ZNF619: variants seen among roughly 807,000 people sequenced by gnomAD.
ZNF619 encodes zinc finger protein 619.
Under a neutral mutation model 14.2 loss-of-function variants are expected in ZNF619, and 9 were observed. The ratio of observed to expected loss-of-function variants is 0.64; its 90% CI spans 0.38 to 1.11. ZNF619 has a LOEUF of 1.11. Ranked by LOEUF, ZNF619 falls within the 50% of genes least tolerant of loss-of-function variation. ZNF619 has a pLI of 0.01. For missense variants in ZNF619, 659 were observed against 680.1 expected, an observed-to-expected ratio of 0.97 and a Z score of 0.34; for synonymous variants, 246 against 252.8, an observed-to-expected ratio of 0.97 and a Z score of 0.26.
chr3:40,485,898 C>T (rs1697564275), intron 4 of ZNF619, among the ~76,000 whole-genome samples: 1 of 152,136 alleles, frequency 6.6e-6, no homozygotes, highest in Non-Finnish European at 1.5e-5. Flanking sequence ...TTTCAAAGGT[C>T]AGTCTCCCAA....
rs572526320 is a variant in ZNF619, at chr3:40,488,060, G to A, written c.1550G>A (p.Gly517Glu). ...ACCTGCTCTGCCCTAGCCCCACCAG[G>A]GCCTCCCTTATCTTCTTCACATGCA... ...QHTCSALAPP[G>E]PPLSSSHAVV... The change falls in exon 5 of 5, where the codon GGG (glycine) becomes GAG (glutamate). Residue 517 changes from glycine to glutamate, a missense_variant. Physicochemically the swap from Gly to Glu is moderately conservative, Grantham distance 98. Coordinates refer to ENST00000432264, the MANE Select transcript of ZNF619 (RefSeq NM_001145093.4). 6.2e-7 allele frequency: 1 copy of A among 1,614,062 alleles called. No homozygotes were observed. The highest frequency in any genetic ancestry group is 1.1e-5 in the South Asian group (1 of 91,062).
chr3:40,477,520 G>A (rs1452567168), intron 1 of ZNF619, among the ~76,000 whole-genome samples, 163 bp downstream of exon 1: 1 of 152,206 alleles, frequency 6.6e-6, no homozygotes, highest in Non-Finnish European at 1.5e-5. Context: ...TTGTCCTGCA[G>A]CCTGTGGTTT....
Position 40,477,174 on chromosome 3 carries a change from C to T in ZNF619, c.-246C>T, listed in dbSNP as rs575828967. 6.6e-6 allele frequency: 1 copy of T among 152,300 alleles called. No homozygotes were observed. Among genetic ancestry groups the T allele is most frequent in the African/African-American group, 2.4e-5 (1 of 41,456 alleles). 9.4% of individuals were successfully genotyped at this position (152,300 alleles called of 1,614,324 possible). A position where few individuals can be genotyped will look rare whatever the true frequency, so the allele number is the denominator to read the frequency against. ...GCTTCCGTCTTGGCCACCTTGCGAGCGCTCGGGTTGAGTTTCCCGGGCTTC... is the reference window on the plus strand; with the variant it reads ...GCTTCCGTCTTGGCCACCTTGCGAGTGCTCGGGTTGAGTTTCCCGGGCTTC... On this transcript the variant is annotated 5_prime_UTR_variant, in exon 1 of 5. Coordinates refer to ENST00000432264, the MANE Select transcript of ZNF619 (RefSeq NM_001145093.4).
chr3:40,480,562 A>C (rs921839376), intron 2 of ZNF619, among the ~76,000 whole-genome samples: 16 of 146,382 alleles, frequency 1.1e-4, no homozygotes, highest in Non-Finnish European at 2.4e-4. Flanking sequence ...GCAGTGGTGC[A>C]ATCTCGGCTC....
At chr3:40,482,396 G>A (rs779797732) in intron 3 of ZNF619, 192 bp from the exon 4 acceptor site, 22 of 1,592,172 alleles carry the variant, frequency 1.4e-5, no homozygotes, top group Middle Eastern at 3.8e-4. Context: ...GTGACTCTGG[G>A]AGCATTCTGT....
In ZNF619 at chr3:40,478,372, A is replaced by G. The variant is rs537804545; in HGVS notation, c.24+369A>G. Among the ~76,000 whole-genome samples the G allele has an allele frequency of 2.7e-4, 41 of 152,288 alleles. No individual in the cohort carries two copies. The South Asian group carries it at 7.9e-3, about 29-fold the overall frequency. ...CAAGATCTGGAAAATTAAAGGGCAGATTAAAATTTGAGGAGTGCTAGTCTG... is the reference window on the plus strand; with the variant it reads ...CAAGATCTGGAAAATTAAAGGGCAGGTTAAAATTTGAGGAGTGCTAGTCTG... On this transcript the variant is annotated intron_variant, in intron 2 of 4. Coordinates refer to ENST00000432264, the MANE Select transcript of ZNF619 (RefSeq NM_001145093.4).
rs1697769763 is a variant in ZNF619, at chr3:40,490,362, T to C, written c.*2121T>C. The C allele has an allele frequency of 6.6e-6, 1 of 152,206 alleles. No individual in the cohort carries two copies. The highest frequency in any genetic ancestry group is 6.5e-5 in the Admixed American group (1 of 15,280). 9.4% of individuals were successfully genotyped at this position (152,206 alleles called of 1,614,324 possible). A position where few individuals can be genotyped will look rare whatever the true frequency, so the allele number is the denominator to read the frequency against. ...TAGAAGTGGCTTTGGAACTGAGTAA[T>C]GGGTAGAGGCTTGAAAAATCTGGAA... On this transcript the variant is annotated 3_prime_UTR_variant, in exon 5 of 5. Transcript: ENST00000432264.
rs192461763 is a variant in ZNF619 at position 40,478,023 on chromosome 3, A to G, written c.24+20A>G. 3.0e-4 allele frequency: 460 copies of G among 1,552,146 alleles called. No individual in the cohort carries two copies. In the African/African-American group the frequency reaches 5.0e-3, roughly 17 times the overall value. On this transcript the variant is annotated intron_variant, in intron 2 of 4. Coordinates refer to ENST00000432264, the MANE Select transcript of ZNF619 (RefSeq NM_001145093.4). ...TTCCAGGTGAGCAGAGCTTTCTTTC[A>G]GCTTTCCATACTCAGAACAGATATG...
rs374005996 is a variant in ZNF619 at position 40,481,970 on chromosome 3, A to G, written c.132A>G (p.Leu44=). The change falls in exon 3 of 5, where the codon CTA becomes CTG. Residue 44 remains leucine, a synonymous_variant. Coordinates refer to ENST00000432264, the MANE Select transcript of ZNF619 (RefSeq NM_001145093.4). The part of the protein sequence containing the change: ...WASLHPTQRA[L]YREVMLENYA... ...GCCTGCACCCTACGCAGAGGGCCCTATACAGGGAGGTGATGCTGGAGAATT... is the reference window on the plus strand; with the variant it reads ...GCCTGCACCCTACGCAGAGGGCCCTGTACAGGGAGGTGATGCTGGAGAATT... 2.5e-6 allele frequency: 4 copies of G among 1,611,260 alleles called. No homozygotes were observed. Among genetic ancestry groups the G allele is most frequent in the Non-Finnish European group, 2.5e-6 (3 of 1,179,178 alleles).
At chr3:40,485,608 A>G (rs1214984994) in intron 4 of ZNF619, among the ~76,000 whole-genome samples, 6 of 152,080 alleles carry the variant, frequency 3.9e-5, no homozygotes, top group Non-Finnish European at 2.9e-5. Context: ...CGGCATGAAT[A>G]CATCACTCTT....
At chr3:40,477,896 T>C (rs1697245825) in intron 1 of ZNF619, 22 bp from the exon 2 acceptor site, 2 of 1,343,184 alleles carry the variant, frequency 1.5e-6, no homozygotes, top group Non-Finnish European at 1.0e-6. Context: ...GACAGATCAG[T>C]CTCATTGTGG....
Position 40,487,406 on chromosome 3 carries a change from A to T in ZNF619, c.896A>T (p.Tyr299Phe). 6.2e-7 allele frequency: 1 copy of T among 1,614,248 alleles called. No individual in the cohort carries two copies. The highest frequency in any genetic ancestry group is 8.5e-7 in the Non-Finnish European group (1 of 1,180,046). ...ECTDCGKTFS[Y>F]NSKLIRHQRI... ...ACTGACTGTGGTAAAACCTTCAGTT[A>T]TAATTCAAAACTGATTCGGCATCAG... Residue 299 changes from tyrosine (Y) to phenylalanine (F), a missense_variant, in exon 5 of 5, where the codon TAT becomes TTT. Transcript: ENST00000432264.
Position 40,487,668 on chromosome 3 carries a change from A to T in ZNF619, c.1158A>T (p.Val386=), listed in dbSNP as rs1407921667. ...ECGKAFHRSS[V]FLQHQRFHTG... ...GCAAGGCCTTCCACCGCAGTTCGGT[A>T]TTTCTTCAGCACCAGAGGTTCCACA... is the stretch of plus-strand genomic sequence containing the variant. Residue 386 remains valine (V), a synonymous_variant, in exon 5 of 5, where the codon GTA becomes GTT. Transcript: ENST00000432264. 1.2e-5 allele frequency: 20 copies of T among 1,613,768 alleles called. No individual in the cohort carries two copies. Among genetic ancestry groups the T allele is most frequent in the Non-Finnish European group, 1.7e-5 (20 of 1,179,938 alleles).
chr3:40,478,934 T>G (rs1697290970), intron 2 of ZNF619, among the ~76,000 whole-genome samples: 1 of 152,208 alleles, frequency 6.6e-6, no homozygotes, highest in Non-Finnish European at 1.5e-5. Context: ...CCTGGTGCTT[T>G]GCCTGAAGTA....
intron 2 of ZNF619, among the ~76,000 whole-genome samples, chr3:40,478,246 T>C (rs1262359717): frequency 6.6e-6 from 1 of 152,170 alleles, no homozygotes; most frequent in East Asian, 1.9e-4. Flanking sequence ...GAACTGAAAG[T>C]GTGGCCTGGA....
At chr3:40,484,186 C>G (rs1391772966) in intron 4 of ZNF619, among the ~76,000 whole-genome samples, 1 of 152,094 alleles carries the variant, frequency 6.6e-6, no homozygotes, top group Non-Finnish European at 1.5e-5. Context: ...TCAGCCTCCC[C>G]AAGTGCTGGG....
chr3:40,487,867 G>A lies in ZNF619; in HGVS notation c.1357G>A (p.Glu453Lys). 6.2e-7 allele frequency: 1 copy of A among 1,614,240 alleles called. No individual in the cohort carries two copies. The highest frequency in any genetic ancestry group is 8.5e-7 in the Non-Finnish European group (1 of 1,180,046). Reference sequence around the variant, plus strand: ...TCAGCATCAGCGAGTTCACACTGGGGAGAAACCTTATGAGTGTAAGGAGTG... The same window carrying A: ...TCAGCATCAGCGAGTTCACACTGGGAAGAAACCTTATGAGTGTAAGGAGTG... The part of the protein sequence containing the change: ...LVQHQRVHTG[E>K]KPYECKECGK... Residue 453 changes from glutamate (E) to lysine (K), a missense_variant, in exon 5 of 5, where the codon GAG becomes AAG. By Grantham distance (56) the Glu-to-Lys change is moderately conservative (BLOSUM62 1). Coordinates refer to ENST00000432264, the MANE Select transcript of ZNF619 (RefSeq NM_001145093.4).
At position 40,488,177 on chromosome 3, in the gene ZNF619, A is replaced by G. The variant is rs369769986; in HGVS notation, c.1667A>G (p.Gln556Arg). 6.2e-6 allele frequency: 10 copies of G among 1,613,102 alleles called. No homozygotes were observed. The South Asian group carries it at 7.7e-5, about 12-fold the overall frequency. ...CCTGTCCAAATAGCACATTTTTTTC[A>G]GGATCTCGCTTTTCCTGGGAAGTCA... ...PSPVQIAHFFQDLAFPGKSSL... is the reference protein window; with the variant it reads ...PSPVQIAHFFRDLAFPGKSSL... The change falls in exon 5 of 5, where the codon CAG (glutamine) becomes CGG (arginine). Residue 556 changes from glutamine to arginine, a missense_variant. Physicochemically the swap from Gln to Arg is conservative, Grantham distance 43. Coordinates refer to ENST00000432264, the MANE Select transcript of ZNF619 (RefSeq NM_001145093.4).
At position 40,487,756 on chromosome 3, in the gene ZNF619, A is replaced by G; in HGVS notation, c.1246A>G (p.Ile416Val). The change falls in exon 5 of 5, where the codon ATA becomes GTA. Residue 416 changes from isoleucine to valine, a missense_variant. Physicochemically the swap from Ile to Val is conservative, Grantham distance 29. Coordinates refer to ENST00000432264, the MANE Select transcript of ZNF619 (RefSeq NM_001145093.4). ...WKTFSCSSRFIVHQRIHNGEK... is the reference protein window; with the variant it reads ...WKTFSCSSRFVVHQRIHNGEK... ...AACTTTCAGCTGTAGCTCCCGCTTCATAGTGCATCAGAGAATCCACAATGG... is the reference window on the plus strand; with the variant it reads ...AACTTTCAGCTGTAGCTCCCGCTTCGTAGTGCATCAGAGAATCCACAATGG... The G allele has an allele frequency of 1.2e-6, 2 of 1,614,210 alleles. No homozygotes were observed. Among genetic ancestry groups the G allele is most frequent in the South Asian group, 1.1e-5 (1 of 91,084 alleles).
Sources: allele counts gnomAD v4.1 joint callset (sites outside exome capture counted in the v4.1 genomes callset), GRCh38; gene constraint gnomAD v4.1.1; transcripts MANE v1.5; gene names NCBI Gene and HGNC (gene_info 2026-07-23, HGNC 2026-07-21).